The following GATAD2A variants were observed in gnomAD, a reference collection of about 807,000 sequenced individuals.
GATAD2A encodes the protein transcriptional repressor p66-alpha.
In GATAD2A, 12 loss-of-function variants were observed where a neutral mutation model predicts 68.5. That is an observed-to-expected ratio of 0.18 (90% confidence interval 0.11 to 0.28). The LOEUF is 0.28. Among genes scored for constraint, GATAD2A ranks in the 10% least tolerant of loss-of-function variants. The pLI is 1.00. For missense variants in GATAD2A, 755 were observed against 868.5 expected (o/e 0.87, Z 1.64); for synonymous variants, 410 against 375.3 (o/e 1.09, Z -1.07).
intron 2 of GATAD2A, among the ~76,000 whole-genome samples, chr19:19,474,829 TCTTCA>T (rs1189428666): frequency 1.3e-5 from 2 of 152,190 alleles, no homozygotes; most frequent in Non-Finnish European, 2.9e-5. Context: ...CAGCATACCG[TCTTCA>T]CTTGTTGTTC....
Position 19,424,946 on chromosome 19 carries a change from T to C in GATAD2A, c.-7+18927T>C, listed in dbSNP as rs115543941. Among the ~76,000 whole-genome samples the C allele has an allele frequency of 5.8e-3, 884 of 151,556 alleles. 8 individuals carry two copies. Among genetic ancestry groups the C allele is most frequent in the African/African-American group, 0.021 (849 of 41,342 alleles). On this transcript the variant is annotated intron_variant, in intron 1 of 11. Coordinates refer to ENST00000683918, the MANE Select transcript of GATAD2A (RefSeq NM_001384528.1). ...CTGGGCAACATAGTGAGATCCCATC[T>C]CTACAAAAAATAAAAAAGGTGTGGT...
intron 1 of GATAD2A, among the ~76,000 whole-genome samples, chr19:19,392,789 T>C (rs1599963002): frequency 6.6e-6 from 1 of 150,818 alleles, no homozygotes; most frequent in Non-Finnish European, 1.5e-5. Flanking sequence ...CTCTGCCTCC[T>C]GGGTTCAAGC....
chr19:19,407,428 G>A (rs1368148829), intron 1 of GATAD2A, among the ~76,000 whole-genome samples: 2 of 152,172 alleles, frequency 1.3e-5, no homozygotes, highest in Non-Finnish European at 2.9e-5. Flanking sequence ...TGGGGAGTAG[G>A]GAAGTATTAT....
chr19:19,410,270 G>A (rs2050762145), intron 1 of GATAD2A, among the ~76,000 whole-genome samples: 1 of 150,674 alleles, frequency 6.6e-6, no homozygotes, highest in African/African-American at 2.4e-5. Context: ...GGATTTGCTG[G>A]CAGGAGATGA....
chr19:19,496,913 C>T (rs1458704957), intron 7 of GATAD2A, among the ~76,000 whole-genome samples: 1 of 152,052 alleles, frequency 6.6e-6, no homozygotes, highest in Non-Finnish European at 1.5e-5. Context: ...GCCCACCCTC[C>T]TCAGACAAGA....
At chr19:19,455,172 C>A (rs1200986382) in intron 1 of GATAD2A, among the ~76,000 whole-genome samples, 1 of 151,842 alleles carries the variant, frequency 6.6e-6, no homozygotes, top group African/African-American at 2.4e-5. Context: ...CTGGGCAATA[C>A]AGTGGGACCC....
intron 1 of GATAD2A, among the ~76,000 whole-genome samples, chr19:19,461,024 C>T (rs779800134): frequency 7.2e-5 from 11 of 152,210 alleles, no homozygotes; most frequent in Non-Finnish European, 1.0e-4. Context: ...TCATTTCGCT[C>T]GTTTTCCAGC....
chr19:19,400,522 A>G (rs750758912), intron 1 of GATAD2A, among the ~76,000 whole-genome samples: 1 of 152,194 alleles, frequency 6.6e-6, no homozygotes, highest in Non-Finnish European at 1.5e-5. Context: ...TGTGAATGCA[A>G]AGATGATTCT....
upstream of GATAD2A, among the ~76,000 whole-genome samples, chr19:19,401,359 G>A (rs1013107792): frequency 8.6e-5 from 13 of 151,452 alleles, no homozygotes; most frequent in African/African-American, 3.2e-4. Flanking sequence ...GACTACAGGC[G>A]CGTGCCACCA....
rs573891061 is a variant in GATAD2A at position 19,451,539 on chromosome 19, C to T, written c.-6-13801C>T. ...TTTTTGGCACGAAGTAGAACCAACA[C>T]GCAAGGTTGCAGTGCCAGTGAGTTG... On this transcript the variant is annotated intron_variant, in intron 1 of 11. Transcript: ENST00000683918. 6.6e-4 allele frequency among the ~76,000 whole-genome samples: 100 copies of T among 152,294 alleles called. 1 individual carries two copies. Among genetic ancestry groups the T allele is most frequent in the African/African-American group, 2.4e-3 (98 of 41,554 alleles).
chr19:19,396,100 C>G (rs191851308), intron 1 of GATAD2A, among the ~76,000 whole-genome samples: 7 of 152,078 alleles, frequency 4.6e-5, no homozygotes, highest in Non-Finnish European at 8.8e-5. Flanking sequence ...GCGGGTGGAT[C>G]GCCTGAGGTC....
At chr19:19,465,809 T>A (rs886694542) in intron 2 of GATAD2A, among the ~76,000 whole-genome samples, 195 bp downstream of exon 2, 3 of 152,214 alleles carry the variant, frequency 2.0e-5, no homozygotes, top group African/African-American at 7.2e-5. Flanking sequence ...AGGTCCCAAC[T>A]GCAAGTGGCA....
At chr19:19,461,915 C>T (rs762557367) in intron 1 of GATAD2A, among the ~76,000 whole-genome samples, 3 of 152,168 alleles carry the variant, frequency 2.0e-5, no homozygotes, top group Non-Finnish European at 2.9e-5. Flanking sequence ...AGGCAGCAGC[C>T]GGCAGAGGAT....
At chr19:19,446,997 G>A (rs562999337) in intron 1 of GATAD2A, among the ~76,000 whole-genome samples, 11 of 152,350 alleles carry the variant, frequency 7.2e-5, no homozygotes, top group South Asian at 6.2e-4. Context: ...TAACAAATGC[G>A]TATACATTGC....
At chr19:19,495,194 C>T (rs965720974) in intron 5 of GATAD2A, among the ~76,000 whole-genome samples, 2 of 152,336 alleles carry the variant, frequency 1.3e-5, no homozygotes, top group East Asian at 1.9e-4. Context: ...TGAGGTTTCA[C>T]TGTTACCCAG....
At chr19:19,455,197 A>T (rs984311849) in intron 1 of GATAD2A, among the ~76,000 whole-genome samples, 7 of 151,044 alleles carry the variant, frequency 4.6e-5, no homozygotes, top group African/African-American at 1.2e-4. Flanking sequence ...TCTTAAAAAA[A>T]TTTTTTTGGG....
At chr19:19,487,833 G>A (rs2059542945) in intron 2 of GATAD2A, among the ~76,000 whole-genome samples, 1 of 152,202 alleles carries the variant, frequency 6.6e-6, no homozygotes, top group Non-Finnish European at 1.5e-5. Context: ...AAGTGAGCTG[G>A]CAGGGCTGGT....
At chr19:19,418,278 C>G (rs2051896950) in intron 1 of GATAD2A, among the ~76,000 whole-genome samples, 1 of 152,190 alleles carries the variant, frequency 6.6e-6, no homozygotes. Flanking sequence ...ATCTGACTGG[C>G]CAGCTCCAGG....
chr19:19,446,967 A>G (rs2055797361), intron 1 of GATAD2A, among the ~76,000 whole-genome samples: 2 of 152,216 alleles, frequency 1.3e-5, no homozygotes, highest in South Asian at 2.1e-4. Context: ...GAGTTCTGAA[A>G]GTACTATTTC....
Sources: gnomAD v4.1 joint callset for allele counts (sites outside exome capture counted in the v4.1 genomes callset) on GRCh38, gnomAD v4.1.1 for gene constraint, MANE v1.5 for transcripts, NCBI Gene and HGNC (gene_info 2026-07-23, HGNC 2026-07-21) for gene names.